KCNT2: variants seen among roughly 807,000 people sequenced by gnomAD.
KCNT2 encodes potassium channel subfamily T member 2.
KCNT2 carries 67 observed loss-of-function variants against 153.8 expected under a neutral mutation model. That is an observed-to-expected ratio of 0.44 (90% CI 0.36 to 0.53). KCNT2 has a LOEUF of 0.53. Ranked by LOEUF, KCNT2 falls within the 20% of genes least tolerant of loss-of-function variation. KCNT2 has a pLI of 0.00. For missense variants in KCNT2, 975 were observed against 1,354.8 expected (o/e 0.72, Z 4.40); for synonymous variants, 500 against 458.8 (o/e 1.09, Z -1.15).
At chr1:196,509,520 T>A (rs1681439314) in intron 1 of KCNT2, among the ~76,000 whole-genome samples, 2 of 152,192 alleles carry the variant, frequency 1.3e-5, no homozygotes, top group Admixed American at 1.3e-4. Flanking sequence ...AAAAAAACTT[T>A]AAAAATTAAA....
At chr1:196,439,449 A>T (rs964296069) in intron 8 of KCNT2, among the ~76,000 whole-genome samples, 2 of 152,108 alleles carry the variant, frequency 1.3e-5, no homozygotes, top group Non-Finnish European at 1.5e-5. Flanking sequence ...TGAATAGAAG[A>T]TTGAATACAT....
rs560041447 is a variant in KCNT2 at position 196,251,136 on chromosome 1, G to A, written c.3211+7058C>T. Among the ~76,000 whole-genome samples the A allele has an allele frequency of 2.0e-5, 3 of 152,106 alleles. No individual in the cohort carries two copies. The East Asian group carries it at 5.8e-4, about 29-fold the overall frequency. Reference sequence around the variant, plus strand: ...CTCACTGCTAGGTATATACCCAAAAGAAAGGATATCTGCACTCCCATGTTT... The same window carrying A: ...CTCACTGCTAGGTATATACCCAAAAAAAAGGATATCTGCACTCCCATGTTT... On this transcript the variant is annotated intron_variant, in intron 26 of 27. Coordinates refer to ENST00000294725, the MANE Select transcript of KCNT2 (RefSeq NM_198503.5).
At chr1:196,596,494 T>A (rs1201438776) in intron 1 of KCNT2, among the ~76,000 whole-genome samples, 1 of 152,046 alleles carries the variant, frequency 6.6e-6, no homozygotes, top group Non-Finnish European at 1.5e-5. Flanking sequence ...ATGTTAAGCA[T>A]TTTTTCATGT....
At position 196,334,487 on chromosome 1, in the gene KCNT2, C is replaced by CTTTTTTTTTTTTTTTTTT. The variant is rs533230418; in HGVS notation, c.1784-428_1784-427insAAAAAAAAAAAAAAAAAA. ...TTTTCTTTTATTTCTTTCTTTCTTT[C>CTTTTTTTTTTTTTTTTTT]TTTTTTTTTTTTAAGACAGAGTCTC... is the stretch of plus-strand genomic sequence containing the variant. On this transcript the variant is annotated intron_variant, in intron 16 of 27. Coordinates refer to ENST00000294725, the MANE Select transcript of KCNT2 (RefSeq NM_198503.5). 3.6e-3 allele frequency among the ~76,000 whole-genome samples: 316 copies of CTTTTTTTTTTTTTTTTTT among 87,236 alleles called. 67 individuals are homozygous for CTTTTTTTTTTTTTTTTTT. The highest frequency in any genetic ancestry group is 0.01 in the African/African-American group (233 of 22,908). 57.2% of individuals were successfully genotyped at this position (87,236 alleles called of 152,430 possible).
rs573310975 is a variant in KCNT2 at position 196,429,634 on chromosome 1, G to A, written c.762C>T (p.Ser254=). Residue 254 remains serine (S), a synonymous_variant, in exon 9 of 28, where the codon TCC becomes TCT. Coordinates refer to ENST00000294725, the MANE Select transcript of KCNT2 (RefSeq NM_198503.5). ...TCATAGCAACTACAAAAAGCTTGGA[G>A]GACCATGTTTCAGGAGTGACATCCC... ...GFGDVTPETW[S]SKLFVVAMIC... is the part of the protein sequence containing the mutation. 21 of 1,612,962 alleles carry A rather than the reference G, an allele frequency of 1.3e-5. No individual in the cohort carries two copies. In the South Asian group the frequency reaches 2.3e-4, roughly 18 times the overall value.
At chr1:196,326,927 A>G in intron 18 of KCNT2, 38 bp from the exon 19 acceptor site, 2 of 1,176,572 alleles carry the variant, frequency 1.7e-6, no homozygotes, top group Non-Finnish European at 2.4e-6. Flanking sequence ...TGCCATTTGG[A>G]TACTTCATTA....
At chr1:196,269,687 T>C (rs1657888393) in intron 25 of KCNT2, among the ~76,000 whole-genome samples, 2 of 152,064 alleles carry the variant, frequency 1.3e-5, no homozygotes, top group South Asian at 4.1e-4. Context: ...CCATAAAAAA[T>C]ACCTATTGTT....
chr1:196,378,676 T>C (rs1045035172), intron 13 of KCNT2, among the ~76,000 whole-genome samples: 7 of 149,338 alleles, frequency 4.7e-5, no homozygotes, highest in African/African-American at 1.5e-4. Flanking sequence ...TATATTTATA[T>C]AGACAAACAA....
intron 20 of KCNT2, among the ~76,000 whole-genome samples, chr1:196,317,556 T>C (rs1169312420): frequency 1.3e-5 from 2 of 151,756 alleles, no homozygotes; most frequent in Non-Finnish European, 2.9e-5. Flanking sequence ...CTTTCTCATA[T>C]TTCAGCTTTC....
intron 1 of KCNT2, among the ~76,000 whole-genome samples, chr1:196,575,976 TA>T (rs67161739): frequency 6.9e-5 from 9 of 130,286 alleles, no homozygotes; most frequent in African/African-American, 8.7e-5. Flanking sequence ...AGACCCTGTC[TA>T]AAAAAAAAAA....
At chr1:196,588,258 A>G (rs1662925999) in intron 1 of KCNT2, among the ~76,000 whole-genome samples, 1 of 97,648 alleles carries the variant, frequency 1.0e-5, no homozygotes, top group Non-Finnish European at 2.5e-5. Context: ...CTGAATGTGA[A>G]TTAAATAGAT....
rs1663685894 is a variant in KCNT2 at position 196,593,603 on chromosome 1, T to G, written c.95+14612A>C. On this transcript the variant is annotated intron_variant, in intron 1 of 27. Coordinates refer to ENST00000294725, the MANE Select transcript of KCNT2 (RefSeq NM_198503.5). ...TGCTTGGGGGGATGGATATCCCATT[T>G]TCCATGATGTGATTATTACACGTTG... Among the ~76,000 whole-genome samples, 2 of 152,046 alleles carry G rather than the reference T, an allele frequency of 1.3e-5. 1 individual carries two copies. Among genetic ancestry groups the G allele is most frequent in the South Asian group, 4.1e-4 (2 of 4,824 alleles).
rs754103366 is a variant in KCNT2, at chr1:196,492,267, C to G, written c.170G>C (p.Arg57Thr). Residue 57 changes from arginine (R) to threonine (T), a missense_variant, in exon 2 of 28, where the codon AGA becomes ACA. Arg to Thr is a moderately conservative substitution (Grantham distance 71). This residue lies in a region of KCNT2 where 140 missense variants were observed against 216.0 expected (regional missense o/e 0.65). Coordinates refer to ENST00000294725, the MANE Select transcript of KCNT2 (RefSeq NM_198503.5). ...RLKLFFIKNQ[R>T]SSLRIRLFNF... The stretch of plus-strand genomic sequence containing the variant: ...GAATGAAATGAATAACTTACTTGAT[C>G]TCTGGTTTTTTATGAAAAATAATTT... The G allele has an allele frequency of 2.1e-6, 3 of 1,422,968 alleles. No homozygotes were observed. Among genetic ancestry groups the G allele is most frequent in the Non-Finnish European group, 2.8e-6 (3 of 1,067,172 alleles). The allele number at this position is 1,422,968 out of a possible 1,614,324, so 88.1% of individuals were successfully genotyped here. A position where few individuals can be genotyped will look rare whatever the true frequency, so the allele number is the denominator to read the frequency against.
At chr1:196,508,943 A>G (rs1016982947) in intron 1 of KCNT2, among the ~76,000 whole-genome samples, 6 of 152,132 alleles carry the variant, frequency 3.9e-5, no homozygotes, top group African/African-American at 1.2e-4. Flanking sequence ...CATTAGAGAA[A>G]CTTAAACATT....
chr1:196,502,635 C>G (rs183683240), intron 1 of KCNT2, among the ~76,000 whole-genome samples: 3 of 152,244 alleles, frequency 2.0e-5, no homozygotes, highest in Non-Finnish European at 4.4e-5. Context: ...TCACAACCTG[C>G]AGGTAACTGG....
intron 22 of KCNT2, among the ~76,000 whole-genome samples, chr1:196,304,516 G>C (rs112237431): frequency 0.05 from 7,539 of 152,046 alleles, 284 homozygotes; most frequent in Non-Finnish European, 0.072. Context: ...GCCACACCCA[G>C]GTTAACACAT....
In KCNT2 at chr1:196,227,116, T is replaced by C. The variant is rs1212152928; in HGVS notation, c.*1108A>G. On this transcript the variant is annotated 3_prime_UTR_variant, in exon 28 of 28. Transcript: ENST00000294725. ...CCAAGAACTACCTATTTTTGTTTTATGCTTTTCTCTCATAATGTTAAAGTA... is the reference window on the plus strand; with the variant it reads ...CCAAGAACTACCTATTTTTGTTTTACGCTTTTCTCTCATAATGTTAAAGTA... The C allele has an allele frequency of 2.6e-5, 4 of 152,072 alleles. No individual in the cohort carries two copies. Among genetic ancestry groups the C allele is most frequent in the African/African-American group, 7.2e-5 (3 of 41,474 alleles). 9.4% of individuals were successfully genotyped at this position (152,072 alleles called of 1,614,324 possible).
chr1:196,523,613 T>A (rs1227451488), intron 1 of KCNT2, among the ~76,000 whole-genome samples: 1 of 152,134 alleles, frequency 6.6e-6, no homozygotes, highest in African/African-American at 2.4e-5. Flanking sequence ...TCTTGTTGAG[T>A]CCAGAAAGAA....
At chr1:196,260,948 C>A (rs1656961912) in intron 25 of KCNT2, among the ~76,000 whole-genome samples, 1 of 151,756 alleles carries the variant, frequency 6.6e-6, no homozygotes, top group South Asian at 2.1e-4. Flanking sequence ...ATTAATATAT[C>A]CTTGTAAAAT....
Sources: gnomAD v4.1 joint callset for allele counts (sites outside exome capture counted in the v4.1 genomes callset) on GRCh38, gnomAD v4.1.1 for gene constraint, gnomAD v4.1.1 regional missense constraint, MANE v1.5 for transcripts, NCBI Gene and HGNC (gene_info 2026-07-23, HGNC 2026-07-21) for gene names.